ABCA3: variants seen among roughly 807,000 people sequenced by gnomAD.
ABCA3 encodes the protein phospholipid-transporting ATPase ABCA3.
Under a neutral mutation model 172.8 loss-of-function variants are expected in ABCA3, and 88 were observed. That is an observed-to-expected ratio of 0.51 (90% CI 0.43 to 0.61). The LOEUF (loss-of-function observed/expected upper bound fraction) is 0.61, where lower values mean the gene tolerates loss of function less well. Ranked by LOEUF, ABCA3 falls within the 20% of genes least tolerant of loss-of-function variation. The probability of loss-of-function intolerance (pLI) is 0.00; values close to 1 mark genes in which losing one functional copy is unlikely to be tolerated. For missense variants in ABCA3, 2,164 were observed against 2,301.0 expected (o/e 0.94, Z 1.22); for synonymous variants, 1,066 against 983.8 (o/e 1.08, Z -1.56).
chr16:2,288,279 T>A lies in ABCA3; in HGVS notation c.2751A>T (p.Ala917=). 6.3e-7 allele frequency: 1 copy of A among 1,582,040 alleles called. No homozygotes were observed. Among genetic ancestry groups the A allele is most frequent in the Non-Finnish European group, 8.6e-7 (1 of 1,165,246 alleles). Residue 917 remains alanine (A), a synonymous_variant, in exon 21 of 33, where the codon GCA becomes GCT. Coordinates refer to ENST00000301732, the MANE Select transcript of ABCA3 (RefSeq NM_001089.3). ...QFWAMFLKKA[A]YSWREWKMVA... is the part of the protein sequence containing the mutation. ...CCATTTTCCACTCGCGCCAGCTGTA[T>A]GCGGCCTTCTTCAGGAACATGGCCC...
intron 11 of ABCA3, among the ~76,000 whole-genome samples, chr16:2,304,428 C>T (rs1270725752): frequency 6.6e-6 from 1 of 151,270 alleles, no homozygotes; most frequent in Non-Finnish European, 1.5e-5. Context: ...CACATATGTA[C>T]ACACGTACAT....
At chr16:2,325,262 C>T (rs1373639409) in intron 5 of ABCA3, among the ~76,000 whole-genome samples, 1 of 152,200 alleles carries the variant, frequency 6.6e-6, no homozygotes, top group East Asian at 1.9e-4. Flanking sequence ...AGGGCTTTCC[C>T]TGGCTCAAGT....
rs778393424 is a variant in ABCA3 at position 2,284,345 on chromosome 16, C to G, written c.3796G>C (p.Glu1266Gln). 14 of 1,613,968 alleles carry G rather than the reference C, an allele frequency of 8.7e-6. No homozygotes were observed. Among genetic ancestry groups the G allele is most frequent in the Non-Finnish European group, 1.1e-5 (13 of 1,179,992 alleles). The stretch of plus-strand genomic sequence containing the variant: ...CAGTACCTCCGCGTCTCGTAGTTCT[C>G]GTAGAAACTGCTGACTGCCATCCCC... ...CLGMAVSSFYENYETRRYCTS... is the reference protein window; with the variant it reads ...CLGMAVSSFYQNYETRRYCTS... Residue 1266 changes from glutamate (E) to glutamine (Q), a missense_variant, in exon 25 of 33, where the codon GAG becomes CAG. Glu to Gln is a conservative substitution (Grantham distance 29). Coordinates refer to ENST00000301732, the MANE Select transcript of ABCA3 (RefSeq NM_001089.3). This position sits in a 1 kb window ranked among gnomAD's most constrained non-coding sequence, Gnocchi z 5.9.
chr16:2,311,720 C>G (rs1219498480), intron 10 of ABCA3, among the ~76,000 whole-genome samples: 6 of 152,200 alleles, frequency 3.9e-5, no homozygotes, highest in South Asian at 2.1e-4. Context: ...CGGGGTTTCA[C>G]CATCTTGGCC....
Position 2,285,435 on chromosome 16 carries a change from C to CT in ABCA3, c.3483+6_3483+7insA. ...GGGGAACGGATCCAGCACCCTCCGG[C>CT]GCTCACCAGCAGCAGCAGACTGGGG... is the stretch of plus-strand genomic sequence containing the variant. On this transcript the variant is annotated splice_region_variant and intron_variant, in intron 23 of 32. Coordinates refer to ENST00000301732, the MANE Select transcript of ABCA3 (RefSeq NM_001089.3). This position sits in a 1 kb window ranked among gnomAD's most constrained non-coding sequence, Gnocchi z 4.7. 6.2e-7 allele frequency: 1 copy of CT among 1,604,280 alleles called. No individual in the cohort carries two copies. Among genetic ancestry groups the CT allele is most frequent in the Non-Finnish European group, 8.5e-7 (1 of 1,175,600 alleles).
At chr16:2,330,694 AC>A (rs2093741718) in intron 1 of ABCA3, among the ~76,000 whole-genome samples, 1 of 56,102 alleles carries the variant, frequency 1.8e-5, no homozygotes, top group East Asian at 6.3e-4. Context: ...TGGCAACACC[AC>A]CCTTTTTTTT....
chr16:2,281,456 G>A lies in ABCA3; in HGVS notation c.4089C>T (p.Asp1363=), dbSNP rs201762900. ...PVLPEDQDVA[D]ERTRILAPSP... is the part of the protein sequence containing the mutation. ...TGGGGGCCAGGATGCGGGTCCTCTC[G>A]TCCGCTACATCTTGGTCCTCAGGAA... Residue 1363 remains aspartate (D), a synonymous_variant, in exon 27 of 33, where the codon GAC becomes GAT. Coordinates refer to ENST00000301732, the MANE Select transcript of ABCA3 (RefSeq NM_001089.3). This position sits in a 1 kb window ranked among gnomAD's most constrained non-coding sequence, Gnocchi z 4.7. The A allele has an allele frequency of 3.8e-5, 62 of 1,613,666 alleles. No homozygotes were observed. Among genetic ancestry groups the A allele is most frequent in the Admixed American group, 8.3e-5 (5 of 59,998 alleles).
At chr16:2,295,448 G>C in intron 18 of ABCA3, 142 bp downstream of exon 18, 1 of 1,275,754 alleles carries the variant, frequency 7.8e-7, no homozygotes, top group South Asian at 1.2e-5. Flanking sequence ...TGGGCTGATG[G>C]TGCCCAGGCT....
intron 2 of ABCA3, among the ~76,000 whole-genome samples, chr16:2,329,248 T>A (rs1421747169): frequency 6.6e-6 from 1 of 152,206 alleles, no homozygotes; most frequent in African/African-American, 2.4e-5. Context: ...AAGACCTGTC[T>A]CAAAGTCAGT....
chr16:2,304,167 G>C lies in ABCA3; in HGVS notation c.1286-17C>G. 6.2e-7 allele frequency: 1 copy of C among 1,614,002 alleles called. No individual in the cohort carries two copies. The highest frequency in any genetic ancestry group is 2.2e-5 in the East Asian group (1 of 44,878). On this transcript the variant is annotated splice_polypyrimidine_tract_variant and intron_variant, in intron 11 of 32. Transcript: ENST00000301732. ...TGCCCATGCCTGGAAGACACATCAG[G>C]AAAGTGGCCCGAAAGCCAGCAGGCT...
rs1018429981 is a variant in ABCA3, at chr16:2,276,560, C to T, written c.*114G>A. 3 of 1,512,566 alleles carry T rather than the reference C, an allele frequency of 2.0e-6. No individual in the cohort carries two copies. Among genetic ancestry groups the T allele is most frequent in the African/African-American group, 2.8e-5 (2 of 72,258 alleles). 93.7% of individuals were successfully genotyped at this position (1,512,566 alleles called of 1,614,324 possible). A position where few individuals can be genotyped will look rare whatever the true frequency, so the allele number is the denominator to read the frequency against. ...ACTGCCTTGAATTTTTCATATCCAT[C>T]ATAGAAAAAAGTGATTAAAAATAAA... On this transcript the variant is annotated 3_prime_UTR_variant, in exon 33 of 33. Coordinates refer to ENST00000301732, the MANE Select transcript of ABCA3 (RefSeq NM_001089.3).
In ABCA3 at chr16:2,286,902, G is replaced by A. The variant is rs1428844551; in HGVS notation, c.3070C>T (p.Leu1024Phe). The A allele has an allele frequency of 3.7e-6, 6 of 1,614,064 alleles. No individual in the cohort carries two copies. Among genetic ancestry groups the A allele is most frequent in the Non-Finnish European group, 5.1e-6 (6 of 1,180,024 alleles). ...VEGGGFNERCLVAASFRDVGE... is the reference protein window; with the variant it reads ...VEGGGFNERCFVAASFRDVGE... ...ACATCTCTGAAGGACGCTGCCACAA[G>A]GCACCGCTCATTAAAGCCGCCCCCC... is the stretch of plus-strand genomic sequence containing the variant. Residue 1024 changes from leucine to phenylalanine, a missense_variant, in exon 22 of 33, where the codon CTT becomes TTT. Physicochemically the swap from Leu to Phe is conservative, Grantham distance 22. Around this residue, in one of 3 missense-constraint regions of ABCA3, gnomAD observed 1,343 missense variants for 1,369.6 expected, o/e 0.98. Coordinates refer to ENST00000301732, the MANE Select transcript of ABCA3 (RefSeq NM_001089.3). The surrounding 1 kb of genome is among the most constrained non-coding windows in gnomAD (Gnocchi z 5.2).
chr16:2,289,418 C>A lies in ABCA3; in HGVS notation c.2700+16G>T, dbSNP rs1382721849. ...CGCCCTTCCCCCGCCACCCGCCCAC[C>A]CACCTGGGCACTCACCCCAGTGTTG... On this transcript the variant is annotated intron_variant, in intron 20 of 32. Coordinates refer to ENST00000301732, the MANE Select transcript of ABCA3 (RefSeq NM_001089.3). 2.5e-6 allele frequency: 4 copies of A among 1,571,086 alleles called. No homozygotes were observed. The highest frequency in any genetic ancestry group is 3.4e-6 in the Non-Finnish European group (4 of 1,161,428).
Position 2,324,480 on chromosome 16 carries a change from T to C in ABCA3, c.371A>G (p.Asn124Ser), listed in dbSNP as rs142977595. 2,187 of 1,610,770 alleles carry C rather than the reference T, an allele frequency of 1.4e-3. 4 individuals are homozygous for C. Among genetic ancestry groups the C allele is most frequent in the Non-Finnish European group, 1.6e-3 (1,926 of 1,179,922 alleles). ...KDFEDYIRYD[N>S]CSSSVLAAVV... The stretch of plus-strand genomic sequence containing the variant: ...GGCGGCCAGCACGCTGGACGAGCAG[T>C]TGTCGTACCTAATGTAGTCCTCAAA... Residue 124 changes from asparagine (N) to serine (S), a missense_variant, in exon 6 of 33, where the codon AAC (asparagine) becomes AGC (serine). Physicochemically the swap from Asn to Ser is conservative, Grantham distance 46. Around this residue, in one of 3 missense-constraint regions of ABCA3, gnomAD observed 1,343 missense variants for 1,369.6 expected, o/e 0.98. Coordinates refer to ENST00000301732, the MANE Select transcript of ABCA3 (RefSeq NM_001089.3).
At chr16:2,334,444 C>T (rs191505488) in intron 1 of ABCA3, among the ~76,000 whole-genome samples, 1 of 151,678 alleles carries the variant, frequency 6.6e-6, no homozygotes, top group African/African-American at 2.4e-5. Context: ...TTTTGAGAGA[C>T]GGGTACACAG....
intron 18 of ABCA3, 119 bp downstream of exon 18, chr16:2,295,471 G>C: frequency 2.7e-6 from 4 of 1,484,510 alleles, no homozygotes; most frequent in Non-Finnish European, 3.7e-6. Context: ...GGGTCTAAGA[G>C]TGCCGACTGG....
At position 2,317,757 on chromosome 16, in the gene ABCA3, A is replaced by G. The variant is rs1384266901; in HGVS notation, c.881T>C (p.Met294Thr). The G allele has an allele frequency of 1.9e-6, 3 of 1,614,122 alleles. No individual in the cohort carries two copies. Among genetic ancestry groups the G allele is most frequent in the Non-Finnish European group, 2.5e-6 (3 of 1,179,986 alleles). Residue 294 changes from methionine (M) to threonine (T), a missense_variant, in exon 9 of 33, where the codon ATG becomes ACG. By Grantham distance (81) the Met-to-Thr change is moderately conservative (BLOSUM62 -1). Around this residue, in one of 3 missense-constraint regions of ABCA3, gnomAD observed 1,343 missense variants for 1,369.6 expected, o/e 0.98. Coordinates refer to ENST00000301732, the MANE Select transcript of ABCA3 (RefSeq NM_001089.3). Reference protein sequence around the residue: ...QEKERRLKEYMRMMGLSSWLH... With the variant: ...QEKERRLKEYTRMMGLSSWLH... ...CCAGCTGCTGAGCCCCATCATGCGC[A>G]TGTACTCCTGGGGAGAGAAGCCATC...
chr16:2,285,453 G>T lies in ABCA3; in HGVS notation c.3472C>A (p.Leu1158Met). The change falls in exon 23 of 33, where the codon CTG (leucine) becomes ATG (methionine). Residue 1158 changes from leucine (L) to methionine (M), a missense_variant. By Grantham distance (15) the Leu-to-Met change is conservative. Transcript: ENST00000301732. The surrounding 1 kb of genome is among the most constrained non-coding windows in gnomAD (Gnocchi z 4.7). ...CCTCCGGCGCTCACCAGCAGCAGCA[G>T]ACTGGGGATGAGGAAGGAGATGAGG... The part of the protein sequence containing the change: ...WDLISFLIPS[L>M]LLLVVFKAFD... The T allele has an allele frequency of 6.2e-7, 1 of 1,610,464 alleles. No homozygotes were observed. The highest frequency in any genetic ancestry group is 1.1e-5 in the South Asian group (1 of 90,238).
At position 2,278,212 on chromosome 16, in the gene ABCA3, G is replaced by A; in HGVS notation, c.4718+76C>T. Reference sequence around the variant, plus strand: ...GCAGACTCTGCACCAGATGCTGATGGGTCTCCTGGCCACCTGGCTCCTCCA... The same window carrying A: ...GCAGACTCTGCACCAGATGCTGATGAGTCTCCTGGCCACCTGGCTCCTCCA... On this transcript the variant is annotated intron_variant, in intron 30 of 32. Coordinates refer to ENST00000301732, the MANE Select transcript of ABCA3 (RefSeq NM_001089.3). The surrounding 1 kb of genome is among the most constrained non-coding windows in gnomAD (Gnocchi z 4.4). 1 of 1,599,140 alleles carries A rather than the reference G, an allele frequency of 6.3e-7. No homozygotes were observed. Among genetic ancestry groups the A allele is most frequent in the Non-Finnish European group, 8.5e-7 (1 of 1,177,570 alleles).
Sources: gnomAD v4.1 joint callset for allele counts (sites outside exome capture counted in the v4.1 genomes callset) on GRCh38, gnomAD v4.1.1 for gene constraint, gnomAD v4.1.1 regional missense constraint, Gnocchi (gnomAD v3.1) non-coding constraint, MANE v1.5 for transcripts, NCBI Gene and HGNC (gene_info 2026-07-23, HGNC 2026-07-21) for gene names.